RBMS1: variants seen among roughly 807,000 people sequenced by gnomAD.
RBMS1 encodes RNA binding motif single stranded interacting protein 1.
A neutral mutation model predicts 62.3 loss-of-function variants in RBMS1; 17 were observed. The observed-to-expected ratio is 0.27, with a 90% CI of 0.19 to 0.41. The LOEUF is 0.41. RBMS1 is among the 10% of genes least tolerant of loss of function. RBMS1 has a pLI of 1.00. For missense variants in RBMS1, 334 were observed against 504.5 expected (o/e 0.66, Z 3.24); for synonymous variants, 172 against 170.0 (o/e 1.01, Z -0.09).
At chr2:160,371,090 A>G (rs1693700776) in intron 1 of RBMS1, among the ~76,000 whole-genome samples, 1 of 152,228 alleles carries the variant, frequency 6.6e-6, no homozygotes, top group Non-Finnish European at 1.5e-5. Flanking sequence ...AAAACAGTGA[A>G]AAATTAAACC....
Position 160,471,716 on chromosome 2 carries a change from T to TATATATATATATATAA in RBMS1, c.75+21572_75+21573insTTATATATATATATAT, listed in dbSNP as rs371634389. On this transcript the variant is annotated intron_variant, in intron 1 of 13. Transcript: ENST00000348849. ...GTATATATATATATATATATATATATAACCTTTCATACATTCTGATTATAA... is the reference window on the plus strand; with the variant it reads ...GTATATATATATATATATATATATATATATATATATATATAAAACCTTTCATACATTCTGATTATAA... Among the ~76,000 whole-genome samples the TATATATATATATATAA allele has an allele frequency of 7.4e-3, 559 of 76,034 alleles. 23 individuals carry two copies. The highest frequency in any genetic ancestry group is 0.016 in the African/African-American group (353 of 22,474). The allele number at this position is 76,034 out of a possible 152,430, so 49.9% of individuals were successfully genotyped here.
chr2:160,410,901 G>A (rs746814946), intron 1 of RBMS1, among the ~76,000 whole-genome samples: 7 of 152,172 alleles, frequency 4.6e-5, no homozygotes, highest in Admixed American at 2.0e-4. Context: ...GTGCCACCAC[G>A]CCTGTCTAAT....
intron 2 of RBMS1, among the ~76,000 whole-genome samples, chr2:160,340,912 C>CA (rs1691834533): frequency 6.6e-6 from 1 of 152,148 alleles, no homozygotes; most frequent in African/African-American, 2.4e-5. Flanking sequence ...CTTTTATAGA[C>CA]AGTGTCATAC....
intron 1 of RBMS1, among the ~76,000 whole-genome samples, chr2:160,465,502 A>C (rs1014781996): frequency 1.3e-5 from 2 of 152,152 alleles, no homozygotes; most frequent in Admixed American, 6.6e-5. Flanking sequence ...CAGGCTACCT[A>C]AGTATCTCTT....
intron 9 of RBMS1, chr2:160,284,025 A>T (rs754332932): frequency 2.0e-5 from 3 of 152,096 alleles, no homozygotes; most frequent in Non-Finnish European, 2.9e-5. Context: ...ACAAAAGGGA[A>T]CTCTGCTCCC....
At chr2:160,398,209 ATACTC>A (rs750383650) in intron 1 of RBMS1, among the ~76,000 whole-genome samples, 10 of 152,340 alleles carry the variant, frequency 6.6e-5, no homozygotes, top group Non-Finnish European at 1.3e-4. Flanking sequence ...GGTAGGCTGA[ATACTC>A]TAAACCACTC....
chr2:160,370,402 AGGTG>A (rs1693659762), intron 1 of RBMS1, among the ~76,000 whole-genome samples: 1 of 152,194 alleles, frequency 6.6e-6, no homozygotes, highest in South Asian at 2.1e-4. Flanking sequence ...TGGGAGGCCG[AGGTG>A]GGTGGATCAC....
rs145765836 is a variant in RBMS1 at position 160,455,196 on chromosome 2, T to C, written c.75+38093A>G. Among the ~76,000 whole-genome samples, 95 of 152,376 alleles carry C rather than the reference T, an allele frequency of 6.2e-4. 1 individual carries two copies. In the Middle Eastern group the frequency reaches 0.017, roughly 27 times the overall value. On this transcript the variant is annotated intron_variant, in intron 1 of 13. Coordinates refer to ENST00000348849, the MANE Select transcript of RBMS1 (RefSeq NM_016836.4). ...AATTGAAACTCAATTTTTTCATTTT[T>C]ACTTCAGTTGAAAACCTGGCCTTTT...
At chr2:160,458,509 T>C (rs1333533835) in intron 1 of RBMS1, among the ~76,000 whole-genome samples, 1 of 151,930 alleles carries the variant, frequency 6.6e-6, no homozygotes, top group Non-Finnish European at 1.5e-5. Flanking sequence ...CTAAAAGAAA[T>C]TGCCAGGCCG....
chr2:160,436,497 C>T (rs1187423309), intron 1 of RBMS1, among the ~76,000 whole-genome samples: 2 of 152,206 alleles, frequency 1.3e-5, no homozygotes, highest in Non-Finnish European at 2.9e-5. Flanking sequence ...CCTCCAAATT[C>T]CTGAGCCACA....
chr2:160,273,673 A>T lies in RBMS1; in HGVS notation c.*1099T>A, dbSNP rs1409688240. The T allele has an allele frequency of 2.0e-5, 3 of 152,154 alleles. No individual in the cohort carries two copies. The highest frequency in any genetic ancestry group is 2.9e-5 in the Non-Finnish European group (2 of 68,022). The allele number at this position is 152,154 out of a possible 1,614,324, so 9.4% of individuals were successfully genotyped here. On this transcript the variant is annotated 3_prime_UTR_variant, in exon 14 of 14. Coordinates refer to ENST00000348849, the MANE Select transcript of RBMS1 (RefSeq NM_016836.4). ...ATTCTCATTCTAAAGCACTATCATT[A>T]GTATAAAGGAAGGACAAAACATTCA... is the stretch of plus-strand genomic sequence containing the variant.
At chr2:160,426,814 C>G (rs760782364) in intron 1 of RBMS1, among the ~76,000 whole-genome samples, 1 of 152,026 alleles carries the variant, frequency 6.6e-6, no homozygotes, top group African/African-American at 2.4e-5. Flanking sequence ...AGTGGCCTCT[C>G]TTTAATTAGT....
intron 2 of RBMS1, among the ~76,000 whole-genome samples, chr2:160,359,441 T>TC (rs917856446): frequency 4.6e-5 from 7 of 152,154 alleles, no homozygotes; most frequent in African/African-American, 1.4e-4. Flanking sequence ...TGACCTTGGG[T>TC]CCCCTAACTC....
chr2:160,402,435 CCT>C (rs1342412236), intron 1 of RBMS1, among the ~76,000 whole-genome samples: 2 of 151,934 alleles, frequency 1.3e-5, no homozygotes, highest in Non-Finnish European at 2.9e-5. Context: ...ATTGGATTTC[CCT>C]GAGAGAGGGC....
intron 1 of RBMS1, among the ~76,000 whole-genome samples, chr2:160,448,395 C>T (rs1159138938): frequency 6.6e-6 from 1 of 152,072 alleles, no homozygotes; most frequent in African/African-American, 2.4e-5. Flanking sequence ...AACCTCCCTG[C>T]CTAATTCTCC....
intron 1 of RBMS1, among the ~76,000 whole-genome samples, chr2:160,375,930 G>C (rs1693974667): frequency 6.6e-6 from 1 of 151,826 alleles, no homozygotes; most frequent in Non-Finnish European, 1.5e-5. Flanking sequence ...ACTTCCTAGG[G>C]GAAGTGAAAC....
At chr2:160,322,843 T>A (rs1690653782) in intron 2 of RBMS1, among the ~76,000 whole-genome samples, 1 of 152,144 alleles carries the variant, frequency 6.6e-6, no homozygotes, top group Non-Finnish European at 1.5e-5. Flanking sequence ...ATTGTGGCAA[T>A]GCAGTATAGA....
chr2:160,357,511 T>A (rs770695209), intron 2 of RBMS1, among the ~76,000 whole-genome samples: 68 of 152,190 alleles, frequency 4.5e-4, no homozygotes, highest in Non-Finnish European at 6.0e-4. Flanking sequence ...TGTCAAAATA[T>A]CAAATGCATG....
chr2:160,414,182 T>C (rs116506763), intron 1 of RBMS1, among the ~76,000 whole-genome samples: 1 of 152,186 alleles, frequency 6.6e-6, no homozygotes, highest in African/African-American at 2.4e-5. Flanking sequence ...ATGCAAACTT[T>C]CCAATATTCG....
Sources: allele counts gnomAD v4.1 joint callset (sites outside exome capture counted in the v4.1 genomes callset), GRCh38; gene constraint gnomAD v4.1.1; transcripts MANE v1.5; gene names NCBI Gene and HGNC (gene_info 2026-07-23, HGNC 2026-07-21).